Variants in KAZN observed in about 807,000 individuals in gnomAD.
KAZN encodes the protein kazrin, periplakin interacting protein, also known as kazrin.
In KAZN, 40 loss-of-function variants were observed where a neutral mutation model predicts 87.4. That is an observed-to-expected ratio of 0.46 (90% CI 0.36 to 0.60). KAZN has a LOEUF of 0.60. Among genes scored for constraint, KAZN ranks in the 20% least tolerant of loss-of-function variants. The probability of loss-of-function intolerance (pLI) is 0.00; values close to 1 mark genes in which losing one functional copy is unlikely to be tolerated. For missense variants in KAZN, 898 were observed against 1,073.9 expected, an observed-to-expected ratio of 0.84 and a Z score of 2.29; for synonymous variants, 466 against 458.3, an observed-to-expected ratio of 1.02 and a Z score of -0.22.
intron 1 of KAZN, among the ~76,000 whole-genome samples, chr1:14,815,336 T>C (rs575777795): frequency 4.0e-4 from 61 of 152,266 alleles, no homozygotes; most frequent in African/African-American, 1.4e-3. Context: ...TCGTTGGCAG[T>C]CCTCTGACCC....
chr1:14,125,672 G>T (rs531117827), intron 1 of KAZN, among the ~76,000 whole-genome samples: 1 of 152,232 alleles, frequency 6.6e-6, no homozygotes, highest in African/African-American at 2.4e-5. Flanking sequence ...CCAGCCTTCA[G>T]AACTGGAAGA....
At chr1:14,981,137 G>A (rs1666206598) in intron 2 of KAZN, among the ~76,000 whole-genome samples, 1 of 152,194 alleles carries the variant, frequency 6.6e-6, no homozygotes, top group Admixed American at 6.5e-5. Context: ...GGAGGGGAGA[G>A]TAGTTAGGAG....
chr1:14,710,694 C>G (rs1642439293), intron 1 of KAZN, among the ~76,000 whole-genome samples: 1 of 152,140 alleles, frequency 6.6e-6, no homozygotes, highest in Admixed American at 6.5e-5. Flanking sequence ...TTGCCCCAGC[C>G]CTCGCTGTCT....
chr1:14,646,062 T>A (rs2148684800), intron 1 of KAZN, among the ~76,000 whole-genome samples: 1 of 152,016 alleles, frequency 6.6e-6, no homozygotes, highest in East Asian at 1.9e-4. Flanking sequence ...CTCCAGTTGA[T>A]AAGAAAAGAT....
chr1:13,931,699 G>A (rs1640520851), intron 1 of KAZN, among the ~76,000 whole-genome samples: 1 of 151,968 alleles, frequency 6.6e-6, no homozygotes, highest in Non-Finnish European at 1.5e-5. Flanking sequence ...GTGTGTATTT[G>A]GCCCCTAGTA....
intron 8 of KAZN, among the ~76,000 whole-genome samples, chr1:15,085,670 GC>G (rs1309650154): frequency 6.6e-6 from 1 of 152,126 alleles, no homozygotes; most frequent in African/African-American, 2.4e-5. Flanking sequence ...GTGGTTAATG[GC>G]TATCCTATTG....
At chr1:14,579,074 C>T (rs575075318) in intron 2 of KAZN, among the ~76,000 whole-genome samples, 5 of 152,168 alleles carry the variant, frequency 3.3e-5, no homozygotes, top group Admixed American at 1.3e-4. Context: ...GAAGTCAGCA[C>T]AGAAGAGAAA....
chr1:14,237,623 T>A (rs1648546319), intron 2 of KAZN, among the ~76,000 whole-genome samples: 1 of 152,078 alleles, frequency 6.6e-6, no homozygotes, highest in African/African-American at 2.4e-5. Context: ...CATTACAGAA[T>A]AGGTTGGTGT....
chr1:14,020,619 T>A (rs1412543930), intron 1 of KAZN, among the ~76,000 whole-genome samples: 1 of 152,218 alleles, frequency 6.6e-6, no homozygotes, highest in South Asian at 2.1e-4. Flanking sequence ...ATATGCATGA[T>A]AAGTGTCCAG....
chr1:13,924,463 G>A lies in KAZN; in HGVS notation c.91+30707G>A, dbSNP rs148370460. 2.9e-3 allele frequency among the ~76,000 whole-genome samples: 438 copies of A among 152,194 alleles called. 3 individuals are homozygous for A. The highest frequency in any genetic ancestry group is 0.01 in the African/African-American group (427 of 41,510). On this transcript the variant is annotated intron_variant, in intron 1 of 16. Coordinates refer to the KAZN transcript ENST00000636203. ...TTTATTGAGATTTAATTTATATATT[G>A]TGAAAGGAAAATAAATCTTGGGGCC...
At chr1:15,048,240 G>A (rs1284782339) in intron 4 of KAZN, among the ~76,000 whole-genome samples, 2 of 152,196 alleles carry the variant, frequency 1.3e-5, no homozygotes, top group African/African-American at 2.4e-5. Flanking sequence ...TTCTGCAGAC[G>A]TTTCCCAAGA....
chr1:13,945,253 C>T (rs1015688869), intron 1 of KAZN, among the ~76,000 whole-genome samples: 1 of 152,082 alleles, frequency 6.6e-6, no homozygotes, highest in Non-Finnish European at 1.5e-5. Flanking sequence ...GCAGATGGAT[C>T]ACCTGAGGTA....
At chr1:14,438,451 G>T (rs1666524066) in intron 2 of KAZN, among the ~76,000 whole-genome samples, 1 of 152,240 alleles carries the variant, frequency 6.6e-6, no homozygotes, top group African/African-American at 2.4e-5. Flanking sequence ...AACGGGGCCG[G>T]CCAGGAAAGA....
chr1:14,316,725 T>C (rs1176433221), intron 2 of KAZN, among the ~76,000 whole-genome samples: 1 of 152,026 alleles, frequency 6.6e-6, no homozygotes, highest in Non-Finnish European at 1.5e-5. Context: ...TATGTTGTTA[T>C]GTTTTCATTT....
At chr1:15,101,521 T>C in intron 10 of KAZN, 22 bp from the exon 11 acceptor site, 1 of 1,522,014 alleles carries the variant, frequency 6.6e-7, no homozygotes, top group Non-Finnish European at 8.9e-7. Context: ...CCATCCACTC[T>C]CTGGCTATGT....
chr1:14,212,822 C>T (rs1646883233), intron 2 of KAZN, among the ~76,000 whole-genome samples: 1 of 152,172 alleles, frequency 6.6e-6, no homozygotes, highest in Non-Finnish European at 1.5e-5. Flanking sequence ...GAAAACCCAC[C>T]TCTCCTCCTA....
At chr1:14,662,168 T>C (rs1403111992) in intron 1 of KAZN, among the ~76,000 whole-genome samples, 3 of 152,096 alleles carry the variant, frequency 2.0e-5, no homozygotes, top group Non-Finnish European at 4.4e-5. Context: ...ATCAGCTTCA[T>C]TATTTCCTCT....
chr1:14,319,723 A>T (rs997058490), intron 2 of KAZN, among the ~76,000 whole-genome samples: 1 of 152,166 alleles, frequency 6.6e-6, no homozygotes, highest in African/African-American at 2.4e-5. Context: ...CCCTTGTCTC[A>T]GGGATCACAG....
chr1:13,915,629 A>G (rs1225622795), intron 1 of KAZN, among the ~76,000 whole-genome samples: 5 of 152,092 alleles, frequency 3.3e-5, no homozygotes, highest in African/African-American at 9.6e-5. Flanking sequence ...CTCTGCTCCC[A>G]CCCTAGGTTG....
Sources: allele counts gnomAD v4.1 joint callset (sites outside exome capture counted in the v4.1 genomes callset), GRCh38; gene constraint gnomAD v4.1.1; transcripts MANE v1.5; gene names NCBI Gene and HGNC (gene_info 2026-07-23, HGNC 2026-07-21).